Variants in IL34 observed in about 807,000 individuals in gnomAD.
IL34 encodes the protein interleukin 34.
Under a neutral mutation model 25.3 loss-of-function variants are expected in IL34, and 17 were observed. That is an observed-to-expected ratio of 0.67 (90% CI 0.46 to 1.01). The LOEUF is 1.01. IL34 is among the 50% of genes least tolerant of loss of function. IL34 has a pLI of 0.00. For synonymous variants in IL34, 174 were observed against 140.9 expected (o/e 1.23, Z -1.66); for missense variants, 368 against 312.9 (o/e 1.18, Z -1.33).
intron 1 of IL34, among the ~76,000 whole-genome samples, chr16:70,625,552 G>C (rs143722131): frequency 6.6e-6 from 1 of 151,884 alleles, no homozygotes; most frequent in Admixed American, 6.5e-5. Context: ...CCAGAAAAGC[G>C]GGACTTGCTG....
chr16:70,659,016 G>T (rs963436619), intron 4 of IL34, among the ~76,000 whole-genome samples: 4 of 152,166 alleles, frequency 2.6e-5, no homozygotes, highest in African/African-American at 7.2e-5. Flanking sequence ...ATGTTGCCTT[G>T]TTGTCACCCC....
intron 4 of IL34, among the ~76,000 whole-genome samples, chr16:70,658,066 C>T (rs1480054247): frequency 1.3e-5 from 2 of 152,202 alleles, no homozygotes; most frequent in African/African-American, 2.4e-5. Context: ...CCCGTCTCCA[C>T]CAGACCTCCT....
chr16:70,595,609 C>T (rs183744290), intron 1 of IL34, among the ~76,000 whole-genome samples: 293 of 152,220 alleles, frequency 1.9e-3, no homozygotes, highest in African/African-American at 6.0e-3. Context: ...TGAGCCACTG[C>T]GCCAGGGCTC....
At chr16:70,620,917 T>TA (rs2051267785) in intron 1 of IL34, among the ~76,000 whole-genome samples, 2 of 152,098 alleles carry the variant, frequency 1.3e-5, no homozygotes, top group Non-Finnish European at 2.9e-5. Context: ...TGTGGAATCT[T>TA]ACGTATAGTG....
intron 1 of IL34, among the ~76,000 whole-genome samples, chr16:70,634,415 C>T (rs1046335276): frequency 4.6e-5 from 7 of 151,998 alleles, no homozygotes; most frequent in South Asian, 4.2e-4. Flanking sequence ...CGCAGTGGCT[C>T]ATGCCTGTAA....
intron 1 of IL34, among the ~76,000 whole-genome samples, chr16:70,590,765 C>T (rs1567436178): frequency 6.6e-6 from 1 of 152,190 alleles, no homozygotes; most frequent in Admixed American, 6.5e-5. Flanking sequence ...GGATTCGAAC[C>T]CAGGCAGTCC....
rs189530581 is a variant in IL34, at chr16:70,652,301, A to T, written c.29-2237A>T. On this transcript the variant is annotated intron_variant, in intron 1 of 5. Coordinates refer to ENST00000288098, the MANE Select transcript of IL34 (RefSeq NM_001393494.1). ...CAAGACCTCCTCTCTACAAAAAATT[A>T]AAAAAAAAATTAGCTGGGTGTGGTG... Among the ~76,000 whole-genome samples the T allele has an allele frequency of 2.1e-3, 319 of 150,476 alleles. 1 individual carries two copies. Among genetic ancestry groups the T allele is most frequent in the Middle Eastern group, 6.8e-3 (2 of 292 alleles).
intron 1 of IL34, among the ~76,000 whole-genome samples, chr16:70,611,731 C>T (rs1567443961): frequency 6.6e-6 from 1 of 152,146 alleles, no homozygotes; most frequent in Non-Finnish European, 1.5e-5. Context: ...GTAATCCCAG[C>T]TACTCCGGAG....
At chr16:70,605,405 C>G (rs770412429) in intron 1 of IL34, among the ~76,000 whole-genome samples, 2 of 152,140 alleles carry the variant, frequency 1.3e-5, no homozygotes, top group Non-Finnish European at 2.9e-5. Flanking sequence ...TTTAAGTGTA[C>G]AATTCAGTCA....
chr16:70,586,303 G>A (rs1004092135), intron 1 of IL34, among the ~76,000 whole-genome samples: 1 of 152,192 alleles, frequency 6.6e-6, no homozygotes, highest in South Asian at 2.1e-4. Context: ...GCCTGGCCTG[G>A]TGGCTCACAT....
chr16:70,596,244 C>G (rs571678915), intron 1 of IL34, among the ~76,000 whole-genome samples: 97 of 152,284 alleles, frequency 6.4e-4, no homozygotes, highest in African/African-American at 2.2e-3. Context: ...CCCACCATCA[C>G]GACCTCATCA....
chr16:70,652,660 TATAAA>T (rs1222738966), intron 1 of IL34, among the ~76,000 whole-genome samples: 5 of 152,366 alleles, frequency 3.3e-5, no homozygotes, highest in African/African-American at 7.2e-5. Flanking sequence ...TTTTCACTGT[TATAAA>T]ATAAATGCTG....
intron 1 of IL34, among the ~76,000 whole-genome samples, chr16:70,629,674 A>G (rs1307933771): frequency 1.3e-5 from 2 of 152,102 alleles, no homozygotes; most frequent in African/African-American, 4.8e-5. Context: ...GTACAGAAAC[A>G]ATCATTGTAG....
intron 1 of IL34, among the ~76,000 whole-genome samples, chr16:70,625,123 A>G (rs1567450566): frequency 6.6e-6 from 1 of 152,076 alleles, no homozygotes; most frequent in African/African-American, 2.4e-5. Context: ...ATTGGGGTCA[A>G]GCAGCATTGC....
chr16:70,659,607 C>T lies in IL34; in HGVS notation c.403-11C>T, dbSNP rs1172367715. 6 of 1,601,002 alleles carry T rather than the reference C, an allele frequency of 3.7e-6. No individual in the cohort carries two copies. In the South Asian group the frequency reaches 5.5e-5, roughly 15 times the overall value. On this transcript the variant is annotated splice_polypyrimidine_tract_variant and intron_variant, in intron 4 of 5. Transcript: ENST00000288098. ...TCTCGCCACCGCTCCTGACTGTTTCCTCCTTTCCAGGATGTGGAGGTCAGC... is the reference window on the plus strand; with the variant it reads ...TCTCGCCACCGCTCCTGACTGTTTCTTCCTTTCCAGGATGTGGAGGTCAGC...
chr16:70,633,422 T>TG (rs1555504855), intron 1 of IL34, among the ~76,000 whole-genome samples: 1 of 151,290 alleles, frequency 6.6e-6, no homozygotes, highest in Non-Finnish European at 1.5e-5. Flanking sequence ...CCTGGCTAAT[T>TG]AAAAAAAATT....
At chr16:70,633,939 C>G (rs1444964202) in intron 1 of IL34, among the ~76,000 whole-genome samples, 2 of 152,034 alleles carry the variant, frequency 1.3e-5, no homozygotes, top group African/African-American at 4.8e-5. Flanking sequence ...CAACCTCCGC[C>G]TCCTGGGTTC....
intron 1 of IL34, among the ~76,000 whole-genome samples, chr16:70,605,238 T>C (rs374576212): frequency 6.6e-6 from 1 of 152,294 alleles, no homozygotes; most frequent in East Asian, 1.9e-4. Flanking sequence ...TGTGAGTCTC[T>C]GACGACAAGA....
intron 1 of IL34, among the ~76,000 whole-genome samples, chr16:70,633,356 C>T (rs763402960): frequency 2.9e-4 from 44 of 150,460 alleles, no homozygotes; most frequent in African/African-American, 9.6e-4. Flanking sequence ...CAGGCTAAAG[C>T]GATCCACCTG....
Sources: gnomAD v4.1 joint callset for allele counts (sites outside exome capture counted in the v4.1 genomes callset) on GRCh38, gnomAD v4.1.1 for gene constraint, MANE v1.5 for transcripts, NCBI Gene and HGNC (gene_info 2026-07-23, HGNC 2026-07-21) for gene names.